TTC28: variants seen among roughly 807,000 people sequenced by gnomAD.
TTC28 encodes the protein tetratricopeptide repeat domain 28.
TTC28 carries 61 observed loss-of-function variants against 198.0 expected under a neutral mutation model. The ratio of observed to expected loss-of-function variants is 0.31; its 90% CI spans 0.25 to 0.38. The LOEUF (loss-of-function observed/expected upper bound fraction) is 0.38. Ranked by LOEUF, TTC28 falls within the 10% of genes least tolerant of loss-of-function variation. The probability of loss-of-function intolerance (pLI) is 1.00; values close to 1 mark genes in which losing one functional copy is unlikely to be tolerated. For synonymous variants in TTC28, 1,171 were observed against 1,297.8 expected (o/e 0.90, Z 2.10); for missense variants, 2,678 against 3,164.0 (o/e 0.85, Z 3.69).
chr22:28,363,972 A>T (rs2046201942), intron 2 of TTC28, among the ~76,000 whole-genome samples: 1 of 152,074 alleles, frequency 6.6e-6, no homozygotes, highest in South Asian at 2.1e-4. Context: ...GAGACTTTGG[A>T]CTGTGGACTT....
At chr22:28,200,616 A>T (rs1054158064) in intron 5 of TTC28, among the ~76,000 whole-genome samples, 1 of 152,112 alleles carries the variant, frequency 6.6e-6, no homozygotes, top group Non-Finnish European at 1.5e-5. Flanking sequence ...TTAGAATCGG[A>T]GGGCTAGATA....
At chr22:28,206,300 T>G (rs1316521361) in intron 5 of TTC28, among the ~76,000 whole-genome samples, 1 of 152,172 alleles carries the variant, frequency 6.6e-6, no homozygotes, top group Non-Finnish European at 1.5e-5. Flanking sequence ...AAATTTCTTC[T>G]TATAAAATAT....
chr22:28,532,533 G>C (rs1262109798), intron 2 of TTC28, among the ~76,000 whole-genome samples: 1 of 152,164 alleles, frequency 6.6e-6, no homozygotes, highest in Non-Finnish European at 1.5e-5. Context: ...AAGAAAAAGA[G>C]GCAATCCTCC....
At chr22:28,436,669 T>G (rs1414638842) in intron 2 of TTC28, among the ~76,000 whole-genome samples, 1 of 152,180 alleles carries the variant, frequency 6.6e-6, no homozygotes, top group African/African-American at 2.4e-5. Flanking sequence ...TGCAAGGAAC[T>G]CTCGTAAGCA....
intron 6 of TTC28, among the ~76,000 whole-genome samples, chr22:28,124,655 C>T (rs912795671): frequency 1.3e-5 from 2 of 152,162 alleles, no homozygotes; most frequent in South Asian, 2.1e-4. Context: ...CATTAAATGA[C>T]ATCTGGGCAA....
intron 2 of TTC28, among the ~76,000 whole-genome samples, chr22:28,551,566 GT>G (rs2145961902): frequency 6.6e-6 from 1 of 152,232 alleles, no homozygotes; most frequent in Admixed American, 6.5e-5. Context: ...GATGAGGATG[GT>G]TTAACATATG....
chr22:27,983,616 G>A lies in TTC28; in HGVS notation c.6051C>T (p.Pro2017=), dbSNP rs963677104. The change falls in exon 23 of 23, where the codon CCC becomes CCT. Residue 2017 remains proline, a synonymous_variant. Coordinates refer to ENST00000397906, the MANE Select transcript of TTC28 (RefSeq NM_001145418.2). ...ACCGGTCATGGTCCTGCCGTCCTCC[G>A]GGGCCTCCACCCTCTGATCCACCCT... ...KPEGGSEGGG[P]GGRQDHDRSK... 34 of 1,544,586 alleles carry A rather than the reference G, an allele frequency of 2.2e-5. No individual in the cohort carries two copies. The highest frequency in any genetic ancestry group is 2.7e-5 in the African/African-American group (2 of 72,734).
At chr22:28,050,916 C>T (rs1211706269) in intron 12 of TTC28, among the ~76,000 whole-genome samples, 1 of 152,110 alleles carries the variant, frequency 6.6e-6, no homozygotes, top group Non-Finnish European at 1.5e-5. Context: ...CTTAATGAGG[C>T]AAACTGGAGG....
chr22:28,146,852 G>C lies in TTC28; in HGVS notation c.1441+16240C>G, dbSNP rs375677087. On this transcript the variant is annotated intron_variant, in intron 6 of 22. Transcript: ENST00000397906. ...CACTGGGCTGTTCTGATGAGGGCTT[G>C]CTTTACAAGCATGTTGGGCACATAA... Among the ~76,000 whole-genome samples, 19 of 151,112 alleles carry C rather than the reference G, an allele frequency of 1.3e-4. No individual in the cohort carries two copies. The East Asian group carries it at 2.5e-3, about 20-fold the overall frequency.
intron 2 of TTC28, among the ~76,000 whole-genome samples, chr22:28,545,154 T>A (rs75182285): frequency 1.3e-5 from 2 of 152,158 alleles, no homozygotes; most frequent in Non-Finnish European, 2.9e-5. Flanking sequence ...AATAGTGAAT[T>A]TTCTCCTGAA....
chr22:28,641,250 G>C (rs575083753), intron 1 of TTC28, among the ~76,000 whole-genome samples: 1 of 152,140 alleles, frequency 6.6e-6, no homozygotes, highest in Non-Finnish European at 1.5e-5. Flanking sequence ...CTTGAACCCA[G>C]GAAGTGGAAG....
chr22:28,048,655 A>G (rs1028698503), intron 12 of TTC28, among the ~76,000 whole-genome samples: 1 of 152,120 alleles, frequency 6.6e-6, no homozygotes, highest in Non-Finnish European at 1.5e-5. Flanking sequence ...CACCACCTAG[A>G]GGACAGTGCA....
chr22:28,010,042 A>G (rs16985870), intron 14 of TTC28, among the ~76,000 whole-genome samples: 3,335 of 152,280 alleles, frequency 0.022, 41 homozygotes, highest in Non-Finnish European at 0.029. Context: ...GTATTTGTAG[A>G]TATCAGGAAC....
intron 2 of TTC28, among the ~76,000 whole-genome samples, chr22:28,547,361 C>T (rs139601965): frequency 1.3e-5 from 2 of 152,202 alleles, no homozygotes; most frequent in East Asian, 1.9e-4. Flanking sequence ...CATTTAAGCA[C>T]GAATCATCCT....
chr22:28,204,409 C>G (rs1926224562), intron 5 of TTC28, among the ~76,000 whole-genome samples: 2 of 152,272 alleles, frequency 1.3e-5, no homozygotes, highest in South Asian at 4.1e-4. Flanking sequence ...AGGAGACTGT[C>G]CTGCCTGGTC....
rs2045971045 is a variant in TTC28, at chr22:28,350,188, C to T, written c.382-43545G>A. On this transcript the variant is annotated intron_variant, in intron 2 of 22. Coordinates refer to ENST00000397906, the MANE Select transcript of TTC28 (RefSeq NM_001145418.2). ...GGCTATAAGAGCAGTACTGAAGAGG[C>T]AAGTTGAAATATTAACCACATTCCA... Among the ~76,000 whole-genome samples, 3 of 152,086 alleles carry T rather than the reference C, an allele frequency of 2.0e-5. No individual in the cohort carries two copies. The South Asian group carries it at 6.2e-4, about 32-fold the overall frequency.
chr22:28,012,171 T>A (rs1938189412), intron 14 of TTC28, among the ~76,000 whole-genome samples: 1 of 152,132 alleles, frequency 6.6e-6, no homozygotes, highest in South Asian at 2.1e-4. Context: ...AGGAGCTAGG[T>A]TTATATTTCT....
chr22:28,325,535 TAA>T (rs1259197995), intron 2 of TTC28, among the ~76,000 whole-genome samples: 1 of 152,116 alleles, frequency 6.6e-6, no homozygotes, highest in Non-Finnish European at 1.5e-5. Flanking sequence ...AAGACATTTT[TAA>T]GAGAATGAAA....
chr22:28,631,753 T>C lies in TTC28; in HGVS notation c.103-1923A>G, dbSNP rs563264296. Among the ~76,000 whole-genome samples the C allele has an allele frequency of 3.3e-5, 5 of 152,240 alleles. No homozygotes were observed. In the South Asian group the frequency reaches 8.3e-4, roughly 25 times the overall value. ...GTTGCCGAGGCTGGTCTCAAACTCCTGGGTCCAAGCAATACTCCCGCCTTG... is the reference window on the plus strand; with the variant it reads ...GTTGCCGAGGCTGGTCTCAAACTCCCGGGTCCAAGCAATACTCCCGCCTTG... On this transcript the variant is annotated intron_variant, in intron 1 of 22. Coordinates refer to ENST00000397906, the MANE Select transcript of TTC28 (RefSeq NM_001145418.2).
Sources: gnomAD v4.1 joint callset for allele counts (sites outside exome capture counted in the v4.1 genomes callset) on GRCh38, gnomAD v4.1.1 for gene constraint, MANE v1.5 for transcripts, NCBI Gene and HGNC (gene_info 2026-07-23, HGNC 2026-07-21) for gene names.